Variants in KCNQ5 observed in about 807,000 individuals in gnomAD.
KCNQ5 encodes the protein potassium voltage-gated channel subfamily Q member 5, also known as potassium voltage-gated channel subfamily KQT member 5.
KCNQ5 carries 30 observed loss-of-function variants against 98.2 expected under a neutral mutation model. The observed-to-expected ratio is 0.31, with a 90% CI of 0.23 to 0.41. The LOEUF (loss-of-function observed/expected upper bound fraction) is 0.41. KCNQ5 is among the 10% of genes least tolerant of loss of function. The pLI, the probability that KCNQ5 is intolerant of heterozygous loss-of-function variation, is 1.00. For missense variants in KCNQ5, 835 were observed against 1,182.5 expected, an observed-to-expected ratio of 0.71 and a Z score of 4.31; for synonymous variants, 458 against 449.4, an observed-to-expected ratio of 1.02 and a Z score of -0.24.
intron 1 of KCNQ5, among the ~76,000 whole-genome samples, chr6:72,862,000 G>A (rs895006666): frequency 2.0e-5 from 3 of 151,900 alleles, no homozygotes; most frequent in Non-Finnish European, 2.9e-5. Flanking sequence ...ATGACTTCCC[G>A]GCCCTACTAA....
intron 10 of KCNQ5, chr6:73,157,418 A>C: frequency 1.6e-6 from 1 of 635,434 alleles, no homozygotes; most frequent in South Asian, 1.7e-5. Flanking sequence ...GCAGCTCTGC[A>C]CAGGCCGCCC....
chr6:73,105,102 G>C (rs1222637329), intron 5 of KCNQ5, among the ~76,000 whole-genome samples, 155 bp from the exon 6 acceptor site: 1 of 152,204 alleles, frequency 6.6e-6, no homozygotes, highest in African/African-American at 2.4e-5. Flanking sequence ...GAGAAGTTCT[G>C]TCATGCGTCA....
At chr6:73,073,310 G>A (rs1773376782) in intron 3 of KCNQ5, among the ~76,000 whole-genome samples, 1 of 152,132 alleles carries the variant, frequency 6.6e-6, no homozygotes, top group Non-Finnish European at 1.5e-5. Context: ...ACATAGGTTG[G>A]CTTGAAGAAT....
intron 3 of KCNQ5, among the ~76,000 whole-genome samples, chr6:73,063,117 G>T (rs575774406): frequency 9.9e-5 from 15 of 152,098 alleles, no homozygotes; most frequent in Admixed American, 9.8e-4. Flanking sequence ...TATTGAACTC[G>T]ATTAGGCCAT....
intron 5 of KCNQ5, among the ~76,000 whole-genome samples, chr6:73,090,314 T>C (rs936380301): frequency 2.6e-5 from 4 of 152,210 alleles, no homozygotes; most frequent in Non-Finnish European, 4.4e-5. Flanking sequence ...ATATTCATCC[T>C]TTGTCAAATG....
chr6:72,657,332 A>AT (rs779010446), intron 1 of KCNQ5, among the ~76,000 whole-genome samples: 1 of 152,212 alleles, frequency 6.6e-6, no homozygotes. Context: ...ATTAAATCAT[A>AT]TTTTTTAAAT....
chr6:73,157,767 G>A, intron 10 of KCNQ5: 1 of 778,794 alleles, frequency 1.3e-6, no homozygotes, highest in Non-Finnish European at 2.4e-6. Context: ...CCTAGGTGGG[G>A]TGCATGTTGG....
intron 1 of KCNQ5, chr6:72,986,671 C>A: frequency 1.1e-6 from 1 of 917,030 alleles, no homozygotes; most frequent in Non-Finnish European, 1.7e-6. Context: ...AGGTGCTTGG[C>A]CATTTGGAGT....
chr6:73,171,601 G>T (rs1778018580), intron 11 of KCNQ5, among the ~76,000 whole-genome samples: 1 of 152,160 alleles, frequency 6.6e-6, no homozygotes, highest in Non-Finnish European at 1.5e-5. Context: ...AAATTTAGTG[G>T]ATCAGTCGCA....
rs191678780 is a variant in KCNQ5 at position 73,100,586 on chromosome 6, G to A, written c.919-4671G>A. 4.2e-4 allele frequency among the ~76,000 whole-genome samples: 63 copies of A among 151,740 alleles called. No homozygotes were observed. In the East Asian group the frequency reaches 8.3e-3, roughly 20 times the overall value. ...CGGGAAGCTGAGGCAGGAGAATGGCGTGAACCCGGGAGGCGGAGCTTGCAG... is the reference window on the plus strand; with the variant it reads ...CGGGAAGCTGAGGCAGGAGAATGGCATGAACCCGGGAGGCGGAGCTTGCAG... On this transcript the variant is annotated intron_variant, in intron 5 of 13. Transcript: ENST00000370398.
At chr6:72,761,068 C>T (rs1180387614) in intron 1 of KCNQ5, among the ~76,000 whole-genome samples, 1 of 152,018 alleles carries the variant, frequency 6.6e-6, no homozygotes, top group East Asian at 1.9e-4. Flanking sequence ...TTCCGAGGCA[C>T]CAAGAATTAA....
chr6:73,142,682 G>A (rs1026044032), intron 10 of KCNQ5, among the ~76,000 whole-genome samples: 1 of 152,140 alleles, frequency 6.6e-6, no homozygotes, highest in Non-Finnish European at 1.5e-5. Flanking sequence ...TTGGGAGGCT[G>A]AGGGGGATGG....
At chr6:72,753,053 A>G (rs1771767705) in intron 1 of KCNQ5, among the ~76,000 whole-genome samples, 1 of 152,138 alleles carries the variant, frequency 6.6e-6, no homozygotes. Flanking sequence ...TCATGTAACA[A>G]ACACCATGAT....
intron 11 of KCNQ5, among the ~76,000 whole-genome samples, chr6:73,190,369 T>C (rs1055766122): frequency 6.6e-6 from 1 of 152,200 alleles, no homozygotes; most frequent in Non-Finnish European, 1.5e-5. Context: ...TGTTTTTCTA[T>C]TCTTAAGGTG....
At chr6:72,842,799 T>A (rs1167155617) in intron 1 of KCNQ5, among the ~76,000 whole-genome samples, 1 of 152,228 alleles carries the variant, frequency 6.6e-6, no homozygotes, top group Non-Finnish European at 1.5e-5. Context: ...GAGAAGTGTC[T>A]GTTTATATCT....
chr6:72,989,649 T>A (rs1296575078), intron 1 of KCNQ5, among the ~76,000 whole-genome samples: 1 of 202 alleles, frequency 5.0e-3, no homozygotes, highest in Non-Finnish European at 8.6e-3. Flanking sequence ...GTGCAGAAGC[T>A]CTTTAGTTTA....
At chr6:72,664,022 C>A (rs1156657000) in intron 1 of KCNQ5, among the ~76,000 whole-genome samples, 1 of 152,194 alleles carries the variant, frequency 6.6e-6, no homozygotes, top group African/African-American at 2.4e-5. Context: ...TCCTTCCTCC[C>A]TCTTCAACCT....
At chr6:72,975,185 T>G (rs1044954131) in intron 1 of KCNQ5, among the ~76,000 whole-genome samples, 1 of 152,154 alleles carries the variant, frequency 6.6e-6, no homozygotes, top group Non-Finnish European at 1.5e-5. Flanking sequence ...CACATTTTTG[T>G]CTTTCTTCTT....
At chr6:73,070,787 G>A (rs920479746) in intron 3 of KCNQ5, among the ~76,000 whole-genome samples, 3 of 152,104 alleles carry the variant, frequency 2.0e-5, no homozygotes, top group African/African-American at 7.2e-5. Flanking sequence ...CCAGAAGCAA[G>A]GGGTCCCGGG....
Sources: gnomAD v4.1 joint callset for allele counts (sites outside exome capture counted in the v4.1 genomes callset) on GRCh38, gnomAD v4.1.1 for gene constraint, MANE v1.5 for transcripts, NCBI Gene and HGNC (gene_info 2026-07-23, HGNC 2026-07-21) for gene names.